The following PIGG variants were observed in gnomAD, a reference collection of about 807,000 sequenced individuals.
PIGG encodes GPI ethanolamine phosphate transferase 2, catalytic subunit.
In PIGG, 70 loss-of-function variants were observed where a neutral mutation model predicts 83.2. The observed-to-expected ratio is 0.84, with a 90% CI of 0.69 to 1.03. The LOEUF is 1.03. Ranked by LOEUF, PIGG falls within the 50% of genes least tolerant of loss-of-function variation. PIGG has a pLI of 0.00. For synonymous variants in PIGG, 532 were observed against 519.5 expected, an observed-to-expected ratio of 1.02 and a Z score of -0.33; for missense variants, 1,257 against 1,233.6, an observed-to-expected ratio of 1.02 and a Z score of -0.28.
At chr4:534,599 G>A (rs1729932495) in intron 12 of PIGG, among the ~76,000 whole-genome samples, 1 of 152,232 alleles carries the variant, frequency 6.6e-6, no homozygotes, top group Admixed American at 6.5e-5. Flanking sequence ...GCTGCGTCTG[G>A]CCTGCCCTCC....
At chr4:531,951 T>TC (rs1729172833) in intron 11 of PIGG, 1 of 152,266 alleles carries the variant, frequency 6.6e-6, no homozygotes, top group Non-Finnish European at 1.5e-5. Context: ...GGGATAGTGG[T>TC]CTCCCGGCCT....
chr4:524,756 C>G (rs990728840), intron 9 of PIGG: 3 of 152,038 alleles, frequency 2.0e-5, no homozygotes, highest in Admixed American at 2.0e-4. Flanking sequence ...TTACTGCAAT[C>G]AAGAGATTCT....
intron 6 of PIGG, among the ~76,000 whole-genome samples, chr4:517,685 A>T (rs1414961155): frequency 6.6e-6 from 1 of 152,126 alleles, no homozygotes. Context: ...GGTACTAGGC[A>T]GGCGAGAGCC....
intron 9 of PIGG, among the ~76,000 whole-genome samples, chr4:526,215 C>T (rs1173692829): frequency 2.6e-5 from 4 of 152,190 alleles, no homozygotes; most frequent in African/African-American, 4.8e-5. Context: ...TGTGTAAAAA[C>T]GCGTGCCATT....
At chr4:530,370 TG>T (rs1728743959) in intron 10 of PIGG, 65 bp from the exon 11 acceptor site, 3 of 1,188,212 alleles carry the variant, frequency 2.5e-6, no homozygotes, top group African/African-American at 1.5e-5. Flanking sequence ...GTGTTTTTCA[TG>T]GGAAAATGTT....
Position 515,439 on chromosome 4 carries a change from C to T in PIGG, c.902-534C>T, listed in dbSNP as rs1158203747. Among the ~76,000 whole-genome samples the T allele has an allele frequency of 1.3e-5, 2 of 152,336 alleles. No individual in the cohort carries two copies. Among genetic ancestry groups the T allele is most frequent in the South Asian group, 2.1e-4 (1 of 4,828 alleles). ...GCTTGTCCAAGTTGATTAGAGCACCCGGCCCAGCTGAACCTGCCTCATTCT... is the reference window on the plus strand; with the variant it reads ...GCTTGTCCAAGTTGATTAGAGCACCTGGCCCAGCTGAACCTGCCTCATTCT... On this transcript the variant is annotated intron_variant, in intron 5 of 12. Transcript: ENST00000453061. This position sits in a 1 kb window ranked among gnomAD's most constrained non-coding sequence, Gnocchi z 4.2.
At position 507,497 on chromosome 4, in the gene PIGG, T is replaced by C. The variant is rs577204336; in HGVS notation, c.663T>C (p.Ile221=). 1.9e-6 allele frequency: 3 copies of C among 1,614,124 alleles called. No individual in the cohort carries two copies. The South Asian group carries it at 3.3e-5, about 18-fold the overall frequency. ...TCCACTACCTGGGGCTGGACCACAT[T>C]GGCCACATTTCAGGGCCCAACAGCC... ...LILHYLGLDH[I]GHISGPNSPL... The change falls in exon 4 of 13, where the codon ATT becomes ATC. Residue 221 remains isoleucine, a synonymous_variant. Coordinates refer to ENST00000453061, the MANE Select transcript of PIGG (RefSeq NM_001127178.3).
rs1394887003 is a variant in PIGG, at chr4:500,402, G to C, written c.161G>C (p.Ser54Thr). The C allele has an allele frequency of 1.2e-6, 2 of 1,613,060 alleles. No individual in the cohort carries two copies. The highest frequency in any genetic ancestry group is 1.7e-6 in the Non-Finnish European group (2 of 1,179,128). The change falls in exon 2 of 13, where the codon AGT becomes ACT. Residue 54 changes from serine to threonine, a missense_variant. Coordinates refer to ENST00000453061, the MANE Select transcript of PIGG (RefSeq NM_001127178.3). ...PPAPEPSAGA[S>T]SNWTTLPPPL... ...TTTTCTTTCAAACACTTAGGAGCCA[G>C]TTCTAACTGGACCACGCTGCCACCA...
At position 509,363 on chromosome 4, in the gene PIGG, G is replaced by A. The variant is rs529245252; in HGVS notation, c.901+393G>A. ...AGTGTCAACAAGAGTCATGGGACCC[G>A]GCCAGAGCAGGACAGACAGAGGCCC... On this transcript the variant is annotated intron_variant, in intron 5 of 12. Coordinates refer to ENST00000453061, the MANE Select transcript of PIGG (RefSeq NM_001127178.3). 7.5e-4 allele frequency among the ~76,000 whole-genome samples: 114 copies of A among 152,248 alleles called. 1 individual carries two copies. Among genetic ancestry groups the A allele is most frequent in the Non-Finnish European group, 7.5e-4 (51 of 68,016 alleles).
Position 530,596 on chromosome 4 carries a change from C to A in PIGG, c.2422C>A (p.Leu808Ile). The change falls in exon 11 of 13, where the codon CTC becomes ATC. Residue 808 changes from leucine to isoleucine, a missense_variant. Coordinates refer to ENST00000453061, the MANE Select transcript of PIGG (RefSeq NM_001127178.3). ...TGGATTAGTTCTTCTGGCAGCCTTGCTCTTTAGACCACATAATCTTCCGGT... is the reference window on the plus strand; with the variant it reads ...TGGATTAGTTCTTCTGGCAGCCTTGATCTTTAGACCACATAATCTTCCGGT... Reference protein sequence around the residue: ...YSGLVLLAALLFRPHNLPVLA... With the variant: ...YSGLVLLAALIFRPHNLPVLA... The A allele has an allele frequency of 1.2e-6, 2 of 1,613,942 alleles. No homozygotes were observed. Among genetic ancestry groups the A allele is most frequent in the South Asian group, 2.2e-5 (2 of 91,082 alleles).
At chr4:521,565 G>A in intron 7 of PIGG, 95 bp from the exon 8 acceptor site, 1 of 1,187,398 alleles carries the variant, frequency 8.4e-7, no homozygotes, top group South Asian at 1.5e-5. Context: ...TTTTTACTGT[G>A]TGGACAGCTG....
chr4:510,301 G>T (rs1285669200), intron 5 of PIGG, among the ~76,000 whole-genome samples: 1 of 152,214 alleles, frequency 6.6e-6, no homozygotes, highest in Non-Finnish European at 1.5e-5. Context: ...AATAGATGGG[G>T]CTAGTTAACC....
intron 2 of PIGG, among the ~76,000 whole-genome samples, chr4:505,409 T>TA (rs1719259420): frequency 9.0e-6 from 1 of 110,760 alleles, no homozygotes; most frequent in African/African-American, 3.6e-5. Flanking sequence ...ATTTTATCCA[T>TA]AAAAAATCTT....
At chr4:503,778 A>T (rs547834594) in intron 2 of PIGG, among the ~76,000 whole-genome samples, 9 of 151,950 alleles carry the variant, frequency 5.9e-5, no homozygotes, top group Admixed American at 3.9e-4. Flanking sequence ...AAGAAGTTTG[A>T]GAGTAATTTG....
At chr4:503,681 C>T (rs1351661970) in intron 2 of PIGG, among the ~76,000 whole-genome samples, 1 of 152,052 alleles carries the variant, frequency 6.6e-6, no homozygotes, top group Non-Finnish European at 1.5e-5. Context: ...TACAGCTACA[C>T]ACTGGAATGC....
Position 528,155 on chromosome 4 carries a change from G to T in PIGG, c.2261+925G>T. 2.0e-6 allele frequency: 2 copies of T among 985,276 alleles called. No individual in the cohort carries two copies. Among genetic ancestry groups the T allele is most frequent in the African/African-American group, 1.7e-5 (1 of 57,336 alleles). 61.0% of individuals were successfully genotyped at this position (985,276 alleles called of 1,614,324 possible). Reference sequence around the variant, plus strand: ...CTGCAGAGGGGTCTTCTGGCTGTTAGGCAGCCTATTTTCACAGAACAGAGA... The same window carrying T: ...CTGCAGAGGGGTCTTCTGGCTGTTATGCAGCCTATTTTCACAGAACAGAGA... On this transcript the variant is annotated intron_variant, in intron 10 of 12. Coordinates refer to ENST00000453061, the MANE Select transcript of PIGG (RefSeq NM_001127178.3). The surrounding 1 kb of genome is among the most constrained non-coding windows in gnomAD (Gnocchi z 4.8).
At chr4:513,043 G>A (rs941624571) in intron 5 of PIGG, among the ~76,000 whole-genome samples, 1 of 152,168 alleles carries the variant, frequency 6.6e-6, no homozygotes, top group African/African-American at 2.4e-5. Flanking sequence ...CACTGGGCTA[G>A]GAGGGGGAGG....
chr4:526,875 C>A, intron 9 of PIGG, 164 bp from the exon 10 acceptor site: 1 of 832,916 alleles, frequency 1.2e-6, no homozygotes, highest in Non-Finnish European at 1.9e-6. Context: ...ATTTGTTACA[C>A]TTTAAGAACC....
Position 505,917 on chromosome 4 carries a change from A to G in PIGG, c.560A>G (p.Asp187Gly). The change falls in exon 3 of 13, where the codon GAT becomes GGT. Residue 187 changes from aspartate (D) to glycine (G), a missense_variant. By Grantham distance (94) the Asp-to-Gly change is moderately conservative (BLOSUM62 -1). Transcript: ENST00000453061. The stretch of plus-strand genomic sequence containing the variant: ...GGAACAACCTCATTTTTCGTGTCAG[A>G]TTACACAGAGGTCAGTTTTTAAAAT... ...YDGTTSFFVS[D>G]YTEVDNNVTR... 1 of 1,610,260 alleles carries G rather than the reference A, an allele frequency of 6.2e-7. No homozygotes were observed. The highest frequency in any genetic ancestry group is 8.5e-7 in the Non-Finnish European group (1 of 1,177,394).
Sources: gnomAD v4.1 joint callset for allele counts (sites outside exome capture counted in the v4.1 genomes callset) on GRCh38, gnomAD v4.1.1 for gene constraint, Gnocchi (gnomAD v3.1) non-coding constraint, MANE v1.5 for transcripts, NCBI Gene and HGNC (gene_info 2026-07-23, HGNC 2026-07-21) for gene names.